Variants in NLRP13 observed in about 807,000 individuals in gnomAD.
NLRP13 encodes the protein NLR family pyrin domain containing 13.
In NLRP13, 82 loss-of-function variants were observed where a neutral mutation model predicts 94.4. The ratio of observed to expected loss-of-function variants is 0.87; its 90% CI spans 0.73 to 1.04. The LOEUF (loss-of-function observed/expected upper bound fraction) is 1.04. Ranked by LOEUF, NLRP13 falls within the 50% of genes least tolerant of loss-of-function variation. NLRP13 has a pLI of 0.00. For missense variants in NLRP13, 1,426 were observed against 1,230.8 expected (o/e 1.16, Z -2.37); for synonymous variants, 553 against 464.7 (o/e 1.19, Z -2.45).
Position 55,898,200 on chromosome 19 carries a change from G to GTTTTTTTTTTTTTTTT in NLRP13, c.2957+569_2957+570insAAAAAAAAAAAAAAAA, listed in dbSNP as rs149121317. Among the ~76,000 whole-genome samples, 3 of 135,574 alleles carry GTTTTTTTTTTTTTTTT rather than the reference G, an allele frequency of 2.2e-5. 1 individual carries two copies. Among genetic ancestry groups the GTTTTTTTTTTTTTTTT allele is most frequent in the African/African-American group, 5.3e-5 (2 of 37,448 alleles). 88.9% of individuals were successfully genotyped at this position (135,574 alleles called of 152,430 possible). A position where few individuals can be genotyped will look rare whatever the true frequency, so the allele number is the denominator to read the frequency against. ...CTTATCATCTAGCAGGAGAGTTTTT[G>GTTTTTTTTTTTTTTTT]TTTTTGTTTTTGTTTTTTTTTTTTT... On this transcript the variant is annotated intron_variant, in intron 10 of 10. Coordinates refer to ENST00000342929, the MANE Select transcript of NLRP13 (RefSeq NM_176810.2).
chr19:55,913,548 C>CAAAAAAAAAAAAA lies in NLRP13; in HGVS notation c.524-268_524-256dup, dbSNP rs10530056. Among the ~76,000 whole-genome samples, 53 of 52,062 alleles carry CAAAAAAAAAAAAA rather than the reference C, an allele frequency of 1.0e-3. 6 individuals are homozygous for CAAAAAAAAAAAAA. Among genetic ancestry groups the CAAAAAAAAAAAAA allele is most frequent in the African/African-American group, 2.0e-3 (29 of 14,630 alleles). The allele number at this position is 52,062 out of a possible 152,430, so 34.2% of individuals were successfully genotyped here. On this transcript the variant is annotated intron_variant, in intron 4 of 10. Coordinates refer to ENST00000342929, the MANE Select transcript of NLRP13 (RefSeq NM_176810.2). ...TGGGTGACAGAGTGAGACTCCGTCT[C>CAAAAAAAAAAAAA]AAAAAAAAAAAAAAAAAAAAAAAGT...
intron 4 of NLRP13, among the ~76,000 whole-genome samples, chr19:55,918,930 T>G (rs1177634582): frequency 1.3e-5 from 2 of 151,848 alleles, no homozygotes; most frequent in East Asian, 1.9e-4. Context: ...AAAAGACAAC[T>G]GCAGACCACT....
Position 55,904,947 on chromosome 19 carries a change from T to C in NLRP13, c.2613A>G (p.Arg871=), listed in dbSNP as rs1986292744. The change falls in exon 8 of 11, where the codon AGA becomes AGG. Residue 871 remains arginine (R), a synonymous_variant. Transcript: ENST00000342929. ...ALTHPKCALE[R]LELWFCQLAA... ...TGGAAGTAGGGAAAACTTACTCCAG[T>C]CTCTCTAAGGCACACTTGGGGTGAG... 1 of 1,609,766 alleles carries C rather than the reference T, an allele frequency of 6.2e-7. No homozygotes were observed. The highest frequency in any genetic ancestry group is 1.3e-5 in the African/African-American group (1 of 74,778).
Position 55,902,105 on chromosome 19 carries a change from G to A in NLRP13, c.2719C>T (p.Leu907=), listed in dbSNP as rs778624034. The change falls in exon 9 of 11, where the codon CTG becomes TTG. Residue 907 remains leucine, a synonymous_variant. Transcript: ENST00000342929. ...LTHLNLSKNS[L]RDEGVKFLCE... is the part of the protein sequence containing the mutation. ...AGGAACTTGACTCCCTCGTCTCTCA[G>A]GCTGTTCTTGCTCAGATTCAGGTGT... 1.2e-6 allele frequency: 2 copies of A among 1,614,036 alleles called. No homozygotes were observed. The highest frequency in any genetic ancestry group is 1.3e-5 in the African/African-American group (1 of 74,918).
intron 7 of NLRP13, among the ~76,000 whole-genome samples, chr19:55,907,279 C>T (rs996409739): frequency 6.6e-6 from 1 of 150,940 alleles, no homozygotes; most frequent in Non-Finnish European, 1.5e-5. Context: ...TTTTAAAACA[C>T]CCACTAGGTT....
downstream of NLRP13, chr19:55,892,012 A>G (rs1985864229): frequency 1.0e-6 from 1 of 995,456 alleles, no homozygotes; most frequent in East Asian, 3.3e-5. Flanking sequence ...CACCACCACC[A>G]CTTGTCTTCA....
At chr19:55,921,337 C>T (rs1200373854) in intron 4 of NLRP13, among the ~76,000 whole-genome samples, 3 of 152,010 alleles carry the variant, frequency 2.0e-5, no homozygotes, top group Non-Finnish European at 2.9e-5. Context: ...AAAAAGACAC[C>T]CACAATATCA....
At chr19:55,898,691 C>G (rs1986081884) in intron 10 of NLRP13, 79 bp downstream of exon 10, 1 of 1,401,130 alleles carries the variant, frequency 7.1e-7, no homozygotes, top group Non-Finnish European at 9.7e-7. Flanking sequence ...CTTTCTAACC[C>G]CCGATGGGAT....
chr19:55,897,997 T>C (rs1986059557), intron 10 of NLRP13, among the ~76,000 whole-genome samples: 1 of 152,130 alleles, frequency 6.6e-6, no homozygotes, highest in Admixed American at 6.5e-5. Context: ...TTAGTACACG[T>C]TGCATGATGG....
chr19:55,924,549 A>G (rs1568446170), intron 3 of NLRP13, 41 bp downstream of exon 3: 5 of 1,437,972 alleles, frequency 3.5e-6, no homozygotes, highest in Non-Finnish European at 2.0e-6. Context: ...CGAGTGTTCC[A>G]TCAAGCAACC....
intron 1 of NLRP13, among the ~76,000 whole-genome samples, chr19:55,931,722 AAAAGAAAGAAAG>A (rs1328414237): frequency 9.3e-6 from 1 of 107,328 alleles, no homozygotes; most frequent in Non-Finnish European, 1.9e-5. Context: ...AAAAAAAAAA[AAAAGAAAGAAAG>A]AAAGAAAGAA....
chr19:55,905,534 C>T (rs943193592), intron 7 of NLRP13, among the ~76,000 whole-genome samples: 2 of 151,466 alleles, frequency 1.3e-5, no homozygotes, highest in Non-Finnish European at 2.9e-5. Flanking sequence ...CACCTGTAGT[C>T]CCAGCTACTC....
chr19:55,904,707 C>T, intron 8 of NLRP13, among the ~76,000 whole-genome samples: 1 of 152,156 alleles, frequency 6.6e-6, no homozygotes, highest in East Asian at 1.9e-4. Flanking sequence ...CCAAAAAATT[C>T]ATTACTTCCT....
At chr19:55,905,831 A>G (rs1452379393) in intron 7 of NLRP13, among the ~76,000 whole-genome samples, 1 of 152,166 alleles carries the variant, frequency 6.6e-6, no homozygotes, top group Non-Finnish European at 1.5e-5. Context: ...AGGACAACCA[A>G]ATATGTTGTC....
chr19:55,898,971 T>C, intron 9 of NLRP13, 34 bp from the exon 10 acceptor site: 1 of 1,598,146 alleles, frequency 6.3e-7, no homozygotes. Context: ...GGGGGGAAAG[T>C]AATTGCGTCC....
intron 4 of NLRP13, among the ~76,000 whole-genome samples, chr19:55,921,822 C>A (rs762595633): frequency 4.6e-5 from 7 of 152,186 alleles, no homozygotes; most frequent in Non-Finnish European, 1.0e-4. Flanking sequence ...GAGGCCACAA[C>A]CCAAGAAATA....
chr19:55,908,361 A>T (rs1210634213), intron 6 of NLRP13, among the ~76,000 whole-genome samples: 2 of 152,232 alleles, frequency 1.3e-5, no homozygotes, highest in East Asian at 3.8e-4. Context: ...ACTAAGTACG[A>T]CCAAAAGTTT....
In NLRP13 at chr19:55,898,200, GT is replaced by G. The variant is rs149121317; in HGVS notation, c.2957+569del. Among the ~76,000 whole-genome samples, 8 of 135,574 alleles carry G rather than the reference GT, an allele frequency of 5.9e-5. 1 individual carries two copies. The highest frequency in any genetic ancestry group is 1.3e-4 in the African/African-American group (5 of 37,448). 88.9% of individuals were successfully genotyped at this position (135,574 alleles called of 152,430 possible). On this transcript the variant is annotated intron_variant, in intron 10 of 10. Coordinates refer to ENST00000342929, the MANE Select transcript of NLRP13 (RefSeq NM_176810.2). ...CTTATCATCTAGCAGGAGAGTTTTT[GT>G]TTTTGTTTTTGTTTTTTTTTTTTTT... is the stretch of plus-strand genomic sequence containing the variant.
intron 2 of NLRP13, 76 bp from the exon 3 acceptor site, chr19:55,924,734 T>C (rs1489877347): frequency 3.1e-6 from 4 of 1,285,836 alleles, no homozygotes; most frequent in East Asian, 2.3e-5. Context: ...AAGCCCCCAG[T>C]AGAACCAACT....
Sources: allele counts gnomAD v4.1 joint callset (sites outside exome capture counted in the v4.1 genomes callset), GRCh38; gene constraint gnomAD v4.1.1; transcripts MANE v1.5; gene names NCBI Gene and HGNC (gene_info 2026-07-23, HGNC 2026-07-21).